The following GBP4 variants were observed in gnomAD, a reference collection of about 807,000 sequenced individuals.
GBP4 encodes guanylate-binding protein 4.
A neutral mutation model predicts 62.2 loss-of-function variants in GBP4; 69 were observed. The ratio of observed to expected loss-of-function variants is 1.11; its 90% CI spans 0.91 to 1.36. The LOEUF is 1.36. GBP4 is among the 40% of genes most tolerant of loss of function. GBP4 has a pLI of 0.00. For missense variants in GBP4, 697 were observed against 759.3 expected (o/e 0.92, Z 0.96); for synonymous variants, 278 against 274.6 (o/e 1.01, Z -0.12).
chr1:89,195,210 T>G (rs764158400), intron 3 of GBP4, 87 bp downstream of exon 3: 39 of 1,344,032 alleles, frequency 2.9e-5, no homozygotes, highest in Non-Finnish European at 3.1e-5. Flanking sequence ...GATTTGAGTT[T>G]ACAGAGATAT....
intron 10 of GBP4, among the ~76,000 whole-genome samples, chr1:89,186,055 T>C (rs1374440938): frequency 2.6e-5 from 4 of 152,188 alleles, no homozygotes; most frequent in African/African-American, 4.8e-5. Flanking sequence ...TCCTATTTCA[T>C]TGGGGCACAG....
Position 89,198,311 on chromosome 1 carries a change from T to A in GBP4, c.40+484A>T, listed in dbSNP as rs144292873. On this transcript the variant is annotated intron_variant, in intron 1 of 10. Coordinates refer to ENST00000355754, the MANE Select transcript of GBP4 (RefSeq NM_052941.5). ...AGTCAGCTTGCACAAGTTAAGTCCCTGAGGAAGCGGGTGGGTAAGGGGCTG... is the reference window on the plus strand; with the variant it reads ...AGTCAGCTTGCACAAGTTAAGTCCCAGAGGAAGCGGGTGGGTAAGGGGCTG... 4.6e-5 allele frequency among the ~76,000 whole-genome samples: 7 copies of A among 152,014 alleles called. No homozygotes were observed. In the East Asian group the frequency reaches 1.4e-3, roughly 29 times the overall value.
At position 89,192,886 on chromosome 1, in the gene GBP4, C is replaced by T. The variant is rs1233701192; in HGVS notation, c.670+18G>A. On this transcript the variant is annotated intron_variant, in intron 5 of 10. Coordinates refer to ENST00000355754, the MANE Select transcript of GBP4 (RefSeq NM_052941.5). ...ACCCCCCACTGAACCTTCCCACATC[C>T]AGGCCATGCTCTGATACCTGGAATC... The T allele has an allele frequency of 1.9e-6, 3 of 1,609,004 alleles. No individual in the cohort carries two copies. In the African/African-American group the frequency reaches 4.0e-5, roughly 21 times the overall value.
Position 89,185,322 on chromosome 1 carries a change from T to C in GBP4, c.1855A>G (p.Ile619Val). ...KILDMASNIM[I>V]VTLPGASKLL... Reference sequence around the variant, plus strand: ...TTGGAAGCCCCAGGTAGAGTGACAATCATTATGTTGCTAGCCATGTCAAGG... The same window carrying C: ...TTGGAAGCCCCAGGTAGAGTGACAACCATTATGTTGCTAGCCATGTCAAGG... Residue 619 changes from isoleucine to valine, a missense_variant, in exon 11 of 11, where the codon ATT (isoleucine) becomes GTT (valine). Transcript: ENST00000355754. The C allele has an allele frequency of 6.2e-7, 1 of 1,613,646 alleles. No individual in the cohort carries two copies. The highest frequency in any genetic ancestry group is 8.5e-7 in the Non-Finnish European group (1 of 1,179,600).
intron 8 of GBP4, among the ~76,000 whole-genome samples, chr1:89,187,748 T>C (rs1196426055): frequency 6.6e-6 from 1 of 152,190 alleles, no homozygotes; most frequent in African/African-American, 2.4e-5. Context: ...TCAACATCAC[T>C]AATCATCAGG....
In GBP4 at chr1:89,188,677, C is replaced by T; in HGVS notation, c.1315G>A (p.Gly439Arg). The change falls in exon 8 of 11, where the codon GGA (glycine) becomes AGA (arginine). Residue 439 changes from glycine to arginine, a missense_variant. Around this residue, in one of 2 missense-constraint regions of GBP4, gnomAD observed 556 missense variants for 562.7 expected, o/e 0.99. Transcript: ENST00000355754. ...SEHLTESILRGIFSVPGGHNL... is the reference protein window; with the variant it reads ...SEHLTESILRRIFSVPGGHNL... ...TGTCCTCCAGGAACAGAGAAAATTC[C>T]TCTCAAAATGCTTTCTGTCAGGTGC... The T allele has an allele frequency of 6.2e-7, 1 of 1,614,222 alleles. No individual in the cohort carries two copies. Among genetic ancestry groups the T allele is most frequent in the Non-Finnish European group, 8.5e-7 (1 of 1,180,040 alleles).
At chr1:89,189,461 A>G (rs1648122247) in intron 7 of GBP4, among the ~76,000 whole-genome samples, 1 of 152,356 alleles carries the variant, frequency 6.6e-6, no homozygotes, top group Middle Eastern at 3.4e-3. Flanking sequence ...CCACACCTGC[A>G]TAGTTCCTGG....
rs1359383968 is a variant in GBP4, at chr1:89,183,322, T to C, written c.*1932A>G. On this transcript the variant is annotated 3_prime_UTR_variant, in exon 11 of 11. Transcript: ENST00000355754. ...GGGAAAGAAGTCCCCATTTAATAAA[T>C]GGTGCTGGGATTACTGGCTAGCCAT... 1 of 152,110 alleles carries C rather than the reference T, an allele frequency of 6.6e-6. No homozygotes were observed. The highest frequency in any genetic ancestry group is 1.5e-5 in the Non-Finnish European group (1 of 68,028). The allele number at this position is 152,110 out of a possible 1,614,324, so 9.4% of individuals were successfully genotyped here.
chr1:89,188,479 C>A, intron 8 of GBP4, 103 bp downstream of exon 8: 1 of 899,634 alleles, frequency 1.1e-6, no homozygotes, highest in Non-Finnish European at 1.8e-6. Flanking sequence ...TCATGTTCTG[C>A]TTCCTCTCCA....
Position 89,189,972 on chromosome 1 carries a change from A to G in GBP4, c.1197+66T>C, listed in dbSNP as rs1648135912. On this transcript the variant is annotated intron_variant, in intron 7 of 10. Transcript: ENST00000355754. ...TGGTAAGGAGATGAACCATGGGGTCAAAAAGCTACACTTTATGCATCATTT... is the reference window on the plus strand; with the variant it reads ...TGGTAAGGAGATGAACCATGGGGTCGAAAAGCTACACTTTATGCATCATTT... 2.7e-6 allele frequency: 4 copies of G among 1,494,430 alleles called. No homozygotes were observed. The East Asian group carries it at 9.1e-5, about 34-fold the overall frequency. 92.6% of individuals were successfully genotyped at this position (1,494,430 alleles called of 1,614,324 possible).
intron 5 of GBP4, among the ~76,000 whole-genome samples, chr1:89,192,249 T>G (rs1648205961): frequency 6.6e-6 from 1 of 152,230 alleles, no homozygotes; most frequent in Non-Finnish European, 1.5e-5. Flanking sequence ...TCCACTCTGC[T>G]AAATATAGTC....
chr1:89,192,376 G>GTT (rs368241419), intron 5 of GBP4, among the ~76,000 whole-genome samples: 1 of 151,126 alleles, frequency 6.6e-6, no homozygotes, highest in African/African-American at 2.4e-5. Context: ...AAGCATATGT[G>GTT]TTTTTTTTTA....
rs372380560 is a variant in GBP4 at position 89,193,129 on chromosome 1, C to G, written c.474-29G>C. On this transcript the variant is annotated intron_variant, in intron 4 of 10. Transcript: ENST00000355754. ...GGATCTCAGCTAAGGAAGGATAGCA[C>G]CCTACACCATCATTTCCATATCTCA... The G allele has an allele frequency of 5.5e-4, 876 of 1,602,332 alleles. 1 individual carries two copies. The highest frequency in any genetic ancestry group is 7.3e-4 in the Non-Finnish European group (855 of 1,171,358).
rs1648100835 is a variant in GBP4, at chr1:89,188,624, C to T, written c.1368G>A (p.Gln456=). ...GCACTAGCTTATAGTCCCACTCAAC[C>T]TGTTTCTTTTCTTCTAAGTAGAGAT... The part of the protein sequence containing the change: ...GHNLYLEEKK[Q]VEWDYKLVPR... The change falls in exon 8 of 11, where the codon CAG becomes CAA. Residue 456 remains glutamine, a synonymous_variant. Transcript: ENST00000355754. 1.2e-6 allele frequency: 2 copies of T among 1,614,200 alleles called. No homozygotes were observed. The highest frequency in any genetic ancestry group is 1.7e-6 in the Non-Finnish European group (2 of 1,180,016).
chr1:89,185,522 CAG>C, intron 10 of GBP4, 53 bp from the exon 11 acceptor site: 1 of 951,038 alleles, frequency 1.1e-6, no homozygotes, highest in Non-Finnish European at 1.6e-6. Flanking sequence ...CTTCAGGAGT[CAG>C]AGTTTTGTAT....
At chr1:89,193,828 C>T (rs113507728) in intron 3 of GBP4, among the ~76,000 whole-genome samples, 5 of 152,280 alleles carry the variant, frequency 3.3e-5, no homozygotes, top group Non-Finnish European at 5.9e-5. Flanking sequence ...AAGTTCCTCA[C>T]GACAGTCCCT....
intron 7 of GBP4, among the ~76,000 whole-genome samples, chr1:89,189,028 CAT>C (rs1329156231): frequency 6.6e-6 from 1 of 152,196 alleles, no homozygotes; most frequent in Non-Finnish European, 1.5e-5. Flanking sequence ...GGTTAGAAGA[CAT>C]AAACTCTATG....
chr1:89,189,827 C>T (rs1038476816), intron 7 of GBP4, among the ~76,000 whole-genome samples: 1 of 152,098 alleles, frequency 6.6e-6, no homozygotes, highest in African/African-American at 2.4e-5. Flanking sequence ...TTTTAAGCTG[C>T]TAAACTCATG....
chr1:89,190,289 C>A lies in GBP4; in HGVS notation c.946G>T (p.Asp316Tyr). The A allele has an allele frequency of 5.6e-6, 9 of 1,610,992 alleles. No individual in the cohort carries two copies. The highest frequency in any genetic ancestry group is 7.6e-6 in the Non-Finnish European group (9 of 1,177,450). ...RLGTLVVTYVDAINSGAVPCL... is the reference protein window; with the variant it reads ...RLGTLVVTYVYAINSGAVPCL... ...GGTACTGCTCCACTGTTGATGGCAT[C>A]TACATAAGTCACCACCAGAGTCCCC... Residue 316 changes from aspartate to tyrosine, a missense_variant, in exon 7 of 11, where the codon GAT becomes TAT. Transcript: ENST00000355754.
Sources: gnomAD v4.1 joint callset for allele counts (sites outside exome capture counted in the v4.1 genomes callset) on GRCh38, gnomAD v4.1.1 for gene constraint, gnomAD v4.1.1 regional missense constraint, MANE v1.5 for transcripts, NCBI Gene and HGNC (gene_info 2026-07-23, HGNC 2026-07-21) for gene names.